IGF2R: variants seen among roughly 807,000 people sequenced by gnomAD.
IGF2R encodes insulin like growth factor 2 receptor.
In IGF2R, 91 loss-of-function variants were observed where a neutral mutation model predicts 270.6. The ratio of observed to expected loss-of-function variants is 0.34; its 90% CI spans 0.28 to 0.40. The LOEUF is 0.40. IGF2R is among the 10% of genes least tolerant of loss of function. The pLI is 1.00. For missense variants in IGF2R, 2,805 were observed against 3,188.3 expected (o/e 0.88, Z 2.90); for synonymous variants, 1,316 against 1,258.9 (o/e 1.05, Z -0.96).
intron 47 of IGF2R, among the ~76,000 whole-genome samples, chr6:160,104,133 G>A (rs544672444): frequency 9.2e-5 from 14 of 152,144 alleles, no homozygotes; most frequent in Admixed American, 6.5e-4. Context: ...TGTGCATGTA[G>A]CATTTGGATG....
At chr6:159,975,444 C>T (rs1783674755) in intron 1 of IGF2R, among the ~76,000 whole-genome samples, 1 of 151,936 alleles carries the variant, frequency 6.6e-6, no homozygotes, top group Admixed American at 6.6e-5. Context: ...AGGAGGTCAG[C>T]ATTTCTTCTC....
At chr6:160,011,002 C>A (rs528977405) in intron 4 of IGF2R, among the ~76,000 whole-genome samples, 170 of 152,044 alleles carry the variant, frequency 1.1e-3, no homozygotes, top group Non-Finnish European at 2.1e-3. Flanking sequence ...ATTTTTGGTC[C>A]AGATTGGAAA....
intron 2 of IGF2R, among the ~76,000 whole-genome samples, chr6:160,007,995 C>T (rs938118488): frequency 6.6e-6 from 1 of 152,122 alleles, no homozygotes; most frequent in African/African-American, 2.4e-5. Flanking sequence ...TTTGGCTTCC[C>T]TAGGCCACAT....
chr6:160,102,750 T>G lies in IGF2R; in HGVS notation c.6995+79T>G. On this transcript the variant is annotated intron_variant, in intron 46 of 47. Transcript: ENST00000356956. The surrounding 1 kb of genome is among the most constrained non-coding windows in gnomAD (Gnocchi z 4.5). ...AATCTTGGGGTCAGTTTTGTGGGGT[T>G]TTATTTATTTGTTTTTAAGCCCTAC... 1 of 1,455,748 alleles carries G rather than the reference T, an allele frequency of 6.9e-7. No homozygotes were observed. The highest frequency in any genetic ancestry group is 2.5e-5 in the East Asian group (1 of 39,702). The allele number at this position is 1,455,748 out of a possible 1,614,324, so 90.2% of individuals were successfully genotyped here.
chr6:160,050,788 G>A lies in IGF2R; in HGVS notation c.2694+136G>A, dbSNP rs1472622846. 8.5e-6 allele frequency: 6 copies of A among 706,452 alleles called. No individual in the cohort carries two copies. Among genetic ancestry groups the A allele is most frequent in the African/African-American group, 1.8e-5 (1 of 55,936 alleles). The allele number at this position is 706,452 out of a possible 1,614,324, so 43.8% of individuals were successfully genotyped here. A position where few individuals can be genotyped will look rare whatever the true frequency, so the allele number is the denominator to read the frequency against. Reference sequence around the variant, plus strand: ...AGTCTTAGTTCTGCTTAAGGTCAGTGTGCGGTATATATGTTCACAGGCAGG... The same window carrying A: ...AGTCTTAGTTCTGCTTAAGGTCAGTATGCGGTATATATGTTCACAGGCAGG... On this transcript the variant is annotated intron_variant, in intron 19 of 47. Transcript: ENST00000356956. The surrounding 1 kb of genome is among the most constrained non-coding windows in gnomAD (Gnocchi z 4.0).
chr6:160,010,484 A>T (rs1465716544), intron 3 of IGF2R: 3 of 484,404 alleles, frequency 6.2e-6, no homozygotes, highest in Non-Finnish European at 1.1e-5. Context: ...CAAAATCCCA[A>T]CATGATTTTA....
intron 4 of IGF2R, among the ~76,000 whole-genome samples, chr6:160,015,823 G>T (rs1445091356): frequency 6.6e-6 from 1 of 152,208 alleles, no homozygotes; most frequent in Non-Finnish European, 1.5e-5. Context: ...TCCCCTTGGT[G>T]CTGTCCTCAT....
In IGF2R at chr6:160,042,956, T is replaced by A. The variant is rs75164125; in HGVS notation, c.1481-192T>A. ...TGTAGTTTGTTTCTGTCACATTAAATGAGAAACCTGAGAATCTCGGTGAAT... is the reference window on the plus strand; with the variant it reads ...TGTAGTTTGTTTCTGTCACATTAAAAGAGAAACCTGAGAATCTCGGTGAAT... On this transcript the variant is annotated intron_variant, in intron 11 of 47. Coordinates refer to ENST00000356956, the MANE Select transcript of IGF2R (RefSeq NM_000876.4). Among the ~76,000 whole-genome samples, 528 of 152,292 alleles carry A rather than the reference T, an allele frequency of 3.5e-3. 3 individuals are homozygous for A. The highest frequency in any genetic ancestry group is 0.012 in the African/African-American group (505 of 41,560).
In IGF2R at chr6:160,026,534, T is replaced by C. The variant is rs544940351; in HGVS notation, c.647-651T>C. On this transcript the variant is annotated intron_variant, in intron 5 of 47. Transcript: ENST00000356956. ...TTAGTTAGATAGGAGAAAAGATAGA[T>C]AGTAAACAAATAAATCCCAAAGTAT... 2.0e-5 allele frequency among the ~76,000 whole-genome samples: 3 copies of C among 152,340 alleles called. No individual in the cohort carries two copies. The South Asian group carries it at 6.2e-4, about 32-fold the overall frequency.
intron 4 of IGF2R, among the ~76,000 whole-genome samples, chr6:160,013,501 A>G (rs892171614): frequency 1.3e-4 from 20 of 152,130 alleles, no homozygotes; most frequent in African/African-American, 3.9e-4. Flanking sequence ...GTTTTTCTCA[A>G]AACAATGACA....
intron 41 of IGF2R, among the ~76,000 whole-genome samples, chr6:160,085,369 C>CGGGGAAGTGCGTCTATCCAG (rs1779078520): frequency 6.6e-6 from 1 of 152,058 alleles, no homozygotes; most frequent in African/African-American, 2.4e-5. Context: ...TGGGCTATCT[C>CGGGGAAGTGCGTCTATCCAG]GGGGAAGTGC....
rs770798433 is a variant in IGF2R, at chr6:160,027,193, C to T, written c.655C>T (p.Arg219Ter). The T allele has an allele frequency of 1.2e-6, 2 of 1,614,200 alleles. No homozygotes were observed. The highest frequency in any genetic ancestry group is 2.2e-5 in the East Asian group (1 of 44,884). ...TAATACATGATTTTCAGACACACTA[C>T]GAGACCCAGGTTCACAGCTGCGGGC... ...INVCRDIDTL[R>*]DPGSQLRACP... is the part of the protein sequence containing the mutation. Residue 219 changes from arginine (R) to a stop codon, truncating the protein, a stop_gained, in exon 6 of 48, where the codon CGA becomes TGA. Transcript: ENST00000356956. LOFTEE classifies it high-confidence loss of function.
Position 160,110,559 on chromosome 6 carries a change from T to G in IGF2R, c.*5475T>G, listed in dbSNP as rs1478913959. The G allele has an allele frequency of 6.6e-6, 1 of 152,228 alleles. No homozygotes were observed. The highest frequency in any genetic ancestry group is 1.5e-5 in the Non-Finnish European group (1 of 68,052). The allele number at this position is 152,228 out of a possible 1,614,324, so 9.4% of individuals were successfully genotyped here. ...AAGAACAGCTACCAGGAATCCCACA[T>G]CTGGGTGTATATCCAAAAGAAATGA... On this transcript the variant is annotated 3_prime_UTR_variant, in exon 48 of 48. Coordinates refer to ENST00000356956, the MANE Select transcript of IGF2R (RefSeq NM_000876.4).
At chr6:160,009,247 A>G (rs1784295425) in intron 3 of IGF2R, 113 bp downstream of exon 3, 1 of 860,822 alleles carries the variant, frequency 1.2e-6, no homozygotes. Flanking sequence ...TTAGAAACAC[A>G]AATAAGAAAA....
At position 160,110,458 on chromosome 6, in the gene IGF2R, C is replaced by T. The variant is rs184568041; in HGVS notation, c.*5374C>T. The T allele has an allele frequency of 1.4e-4, 21 of 152,330 alleles. No homozygotes were observed. Among genetic ancestry groups the T allele is most frequent in the African/African-American group, 2.4e-4 (10 of 41,558 alleles). 9.4% of individuals were successfully genotyped at this position (152,330 alleles called of 1,614,324 possible). On this transcript the variant is annotated 3_prime_UTR_variant, in exon 48 of 48. Transcript: ENST00000356956. ...GTGTGGGTGAGGATGTGGAGAAAAG[C>T]GAACACTTGTCCACCTTTGGTGAGA...
intron 11 of IGF2R, among the ~76,000 whole-genome samples, 175 bp downstream of exon 11, chr6:160,040,899 GAA>G (rs56017621): frequency 0.27 from 41,555 of 152,108 alleles, 6,266 homozygotes; most frequent in Non-Finnish European, 0.35. Flanking sequence ...ACTGGGAGGT[GAA>G]ATAACTGAAT....
intron 21 of IGF2R, 44 bp from the exon 22 acceptor site, chr6:160,058,862 G>A (rs751547235): frequency 7.8e-6 from 12 of 1,543,252 alleles, no homozygotes; most frequent in Admixed American, 1.7e-5. Flanking sequence ...GGTGAGATAC[G>A]AGGCATAAAT....
intron 39 of IGF2R, among the ~76,000 whole-genome samples, chr6:160,081,447 G>A (rs1425951903): frequency 6.6e-6 from 1 of 152,186 alleles, no homozygotes; most frequent in African/African-American, 2.4e-5. Flanking sequence ...CAAGGCAGAA[G>A]GTCAGGGCAG....
intron 10 of IGF2R, 70 bp from the exon 11 acceptor site, chr6:160,040,490 C>A: frequency 7.2e-7 from 1 of 1,380,512 alleles, no homozygotes; most frequent in Non-Finnish European, 1.0e-6. Flanking sequence ...TCAGTTTCTT[C>A]CTTGCTCCTT....
Sources: gnomAD v4.1 joint callset for allele counts (sites outside exome capture counted in the v4.1 genomes callset) on GRCh38, gnomAD v4.1.1 for gene constraint, Gnocchi (gnomAD v3.1) non-coding constraint, MANE v1.5 for transcripts, NCBI Gene and HGNC (gene_info 2026-07-23, HGNC 2026-07-21) for gene names.